LRRC4C: variants seen among roughly 807,000 people sequenced by gnomAD.
LRRC4C encodes the protein leucine rich repeat containing 4C.
A neutral mutation model predicts 33.6 loss-of-function variants in LRRC4C; 5 were observed. The ratio of observed to expected loss-of-function variants is 0.15; its 90% CI spans 0.08 to 0.31. The LOEUF is 0.31. Ranked by LOEUF, LRRC4C falls within the 10% of genes least tolerant of loss-of-function variation. LRRC4C has a pLI of 1.00. For synonymous variants in LRRC4C, 329 were observed against 302.0 expected, an observed-to-expected ratio of 1.09 and a Z score of -0.93; for missense variants, 560 against 796.7, an observed-to-expected ratio of 0.70 and a Z score of 3.58.
At chr11:41,338,307 T>A (rs1951520882) in intron 1 of LRRC4C, among the ~76,000 whole-genome samples, 2 of 152,254 alleles carry the variant, frequency 1.3e-5, no homozygotes, top group South Asian at 4.1e-4. Flanking sequence ...TGCCTATCAA[T>A]GACAGGCTGG....
At chr11:41,044,181 T>G (rs983127221) in intron 1 of LRRC4C, among the ~76,000 whole-genome samples, 1 of 152,120 alleles carries the variant, frequency 6.6e-6, no homozygotes, top group Non-Finnish European at 1.5e-5. Flanking sequence ...TGGTAGAATT[T>G]TTTATAAATC....
At chr11:41,088,130 G>A (rs1940140557) in intron 1 of LRRC4C, among the ~76,000 whole-genome samples, 1 of 152,056 alleles carries the variant, frequency 6.6e-6, no homozygotes, top group South Asian at 2.1e-4. Flanking sequence ...AATGAAGCAA[G>A]AACATGGAAT....
At chr11:40,657,324 G>A (rs1422495049) in intron 2 of LRRC4C, among the ~76,000 whole-genome samples, 1 of 152,112 alleles carries the variant, frequency 6.6e-6, no homozygotes, top group Non-Finnish European at 1.5e-5. Context: ...TCTCGTATAA[G>A]TAGCTCCAAA....
At chr11:40,812,711 T>G (rs1261635195) in intron 2 of LRRC4C, among the ~76,000 whole-genome samples, 1 of 151,754 alleles carries the variant, frequency 6.6e-6, no homozygotes, top group Non-Finnish European at 1.5e-5. Flanking sequence ...CAGTATAGAA[T>G]TTAATTTTCA....
intron 1 of LRRC4C, among the ~76,000 whole-genome samples, chr11:41,061,418 T>G (rs144029113): frequency 3.5e-5 from 5 of 143,084 alleles, no homozygotes; most frequent in African/African-American, 1.0e-4. Context: ...AAAATTTGCT[T>G]CATTTAAAAT....
intron 3 of LRRC4C, among the ~76,000 whole-genome samples, chr11:40,612,183 A>G (rs1262655198): frequency 6.6e-6 from 1 of 151,936 alleles, no homozygotes; most frequent in Non-Finnish European, 1.5e-5. Context: ...TGTGGTATAT[A>G]CATGCAATAT....
chr11:40,843,770 T>G (rs747613758), intron 2 of LRRC4C, among the ~76,000 whole-genome samples: 5 of 152,192 alleles, frequency 3.3e-5, no homozygotes, highest in Non-Finnish European at 5.9e-5. Context: ...GGTGTTCATA[T>G]AGTAACAACT....
chr11:40,751,455 G>T (rs947076348), intron 2 of LRRC4C, among the ~76,000 whole-genome samples: 8 of 152,122 alleles, frequency 5.3e-5, no homozygotes, highest in African/African-American at 1.9e-4. Context: ...AGTAATGTTT[G>T]TAAACACTAA....
At chr11:40,980,507 T>A (rs1159970216) in intron 1 of LRRC4C, among the ~76,000 whole-genome samples, 2 of 152,070 alleles carry the variant, frequency 1.3e-5, no homozygotes, top group African/African-American at 4.8e-5. Context: ...ACACCGTCCG[T>A]CCATTTCTGG....
chr11:41,102,893 T>TA (rs1296371497), intron 1 of LRRC4C, among the ~76,000 whole-genome samples: 2 of 151,982 alleles, frequency 1.3e-5, no homozygotes, highest in African/African-American at 4.8e-5. Context: ...AATACTTTTT[T>TA]AAGTATGTGA....
At chr11:40,198,630 C>A (rs943468700) in intron 5 of LRRC4C, among the ~76,000 whole-genome samples, 8 of 152,042 alleles carry the variant, frequency 5.3e-5, no homozygotes, top group Non-Finnish European at 1.0e-4. Context: ...AGATTTATGC[C>A]AGCTCTTATT....
intron 1 of LRRC4C, among the ~76,000 whole-genome samples, chr11:41,114,224 C>T (rs955109083): frequency 6.6e-6 from 1 of 151,992 alleles, no homozygotes; most frequent in African/African-American, 2.4e-5. Context: ...AGAAAATTTT[C>T]AATGGCTTTA....
intron 1 of LRRC4C, among the ~76,000 whole-genome samples, chr11:41,244,324 A>T (rs1948370037): frequency 6.6e-6 from 1 of 152,206 alleles, no homozygotes; most frequent in African/African-American, 2.4e-5. Context: ...CTAAGTACAA[A>T]CAAATAGAAA....
intron 1 of LRRC4C, among the ~76,000 whole-genome samples, chr11:41,137,769 A>G (rs1943329440): frequency 6.6e-6 from 1 of 152,234 alleles, no homozygotes. Context: ...CATTTCTCCA[A>G]AAGTGTGAAT....
At chr11:41,431,502 T>A (rs962929761) in intron 1 of LRRC4C, among the ~76,000 whole-genome samples, 13 of 151,990 alleles carry the variant, frequency 8.6e-5, no homozygotes, top group African/African-American at 2.9e-4. Context: ...TTTTCCCCCT[T>A]GGTCATCATA....
chr11:40,242,756 T>G (rs552702106), intron 4 of LRRC4C, among the ~76,000 whole-genome samples: 1 of 145,914 alleles, frequency 6.9e-6, no homozygotes, highest in African/African-American at 2.4e-5. Context: ...ACACAGAGGA[T>G]ACAAATTCTA....
At chr11:40,302,888 A>G (rs1310788816) in intron 4 of LRRC4C, among the ~76,000 whole-genome samples, 1 of 152,214 alleles carries the variant, frequency 6.6e-6, no homozygotes, top group Non-Finnish European at 1.5e-5. Context: ...CTCAGTCTGA[A>G]TCTGACATTC....
intron 2 of LRRC4C, among the ~76,000 whole-genome samples, chr11:40,870,472 C>T (rs1218826487): frequency 1.3e-5 from 2 of 152,044 alleles, no homozygotes; most frequent in Non-Finnish European, 2.9e-5. Flanking sequence ...CGTCAGGAAC[C>T]CCAAACGGAG....
chr11:41,133,840 T>G (rs897531606), intron 1 of LRRC4C, among the ~76,000 whole-genome samples: 2 of 152,164 alleles, frequency 1.3e-5, no homozygotes, highest in Non-Finnish European at 2.9e-5. Flanking sequence ...CATACTCCTT[T>G]AAACAACTGC....
Sources: allele counts gnomAD v4.1 joint callset (sites outside exome capture counted in the v4.1 genomes callset), GRCh38; gene constraint gnomAD v4.1.1; transcripts MANE v1.5; gene names NCBI Gene and HGNC (gene_info 2026-07-23, HGNC 2026-07-21).